Variants in FAAH observed in about 807,000 individuals in gnomAD.
FAAH encodes fatty-acid amide hydrolase 1.
In FAAH, 63 loss-of-function variants were observed where a neutral mutation model predicts 69.7. The observed-to-expected ratio is 0.90, with a 90% CI of 0.74 to 1.12. The LOEUF (loss-of-function observed/expected upper bound fraction) is 1.12, where lower values mean the gene tolerates loss of function less well. Among genes scored for constraint, FAAH ranks in the 50% most tolerant of loss-of-function variants. FAAH has a pLI of 0.00. For missense variants in FAAH, 680 were observed against 755.0 expected, an observed-to-expected ratio of 0.90 and a Z score of 1.16; for synonymous variants, 305 against 324.2, an observed-to-expected ratio of 0.94 and a Z score of 0.64.
chr1:46,412,140 C>G lies in FAAH; in HGVS notation c.1357-3C>G. The G allele has an allele frequency of 6.4e-7, 1 of 1,555,816 alleles. No homozygotes were observed. Among genetic ancestry groups the G allele is most frequent in the Non-Finnish European group, 8.7e-7 (1 of 1,149,188 alleles). On this transcript the variant is annotated splice_polypyrimidine_tract_variant and splice_region_variant and intron_variant, in intron 12 of 14. Transcript: ENST00000243167. ...TTCACCTGGTGTGTTGTGTCCTCCG[C>G]AGGTGTACCGCAAAACCGTGATTGC...
At position 46,405,699 on chromosome 1, in the gene FAAH, C is replaced by A; in HGVS notation, c.690C>A (p.Ser230=). The stretch of plus-strand genomic sequence containing the variant: ...GGGCCCTCATCGGGTCTGGAGGCTC[C>A]CCCCTGGGCTTAGGCACTGATATCG... The part of the protein sequence containing the change: ...GEGALIGSGG[S]PLGLGTDIGG... The change falls in exon 5 of 15, where the codon TCC becomes TCA. Residue 230 remains serine (S), a synonymous_variant. Coordinates refer to ENST00000243167, the MANE Select transcript of FAAH (RefSeq NM_001441.3). The surrounding 1 kb of genome is among the most constrained non-coding windows in gnomAD (Gnocchi z 4.1). 6.2e-7 allele frequency: 1 copy of A among 1,613,558 alleles called. No homozygotes were observed. Among genetic ancestry groups the A allele is most frequent in the Non-Finnish European group, 8.5e-7 (1 of 1,180,038 alleles).
In FAAH at chr1:46,405,708, C is replaced by T; in HGVS notation, c.699C>T (p.Gly233=). ...ALIGSGGSPL[G]LGTDIGGSIR... is the part of the protein sequence containing the mutation. ...TCGGGTCTGGAGGCTCCCCCCTGGGCTTAGGCACTGATATCGGAGGCAGCA... is the reference window on the plus strand; with the variant it reads ...TCGGGTCTGGAGGCTCCCCCCTGGGTTTAGGCACTGATATCGGAGGCAGCA... The change falls in exon 5 of 15, where the codon GGC becomes GGT. Residue 233 remains glycine, a synonymous_variant. Transcript: ENST00000243167. The surrounding 1 kb of genome is among the most constrained non-coding windows in gnomAD (Gnocchi z 4.1). 1 of 1,613,596 alleles carries T rather than the reference C, an allele frequency of 6.2e-7. No homozygotes were observed. The highest frequency in any genetic ancestry group is 8.5e-7 in the Non-Finnish European group (1 of 1,180,038).
In FAAH at chr1:46,411,690, G is replaced by A; in HGVS notation, c.1356+39G>A. On this transcript the variant is annotated intron_variant, in intron 12 of 14. Coordinates refer to ENST00000243167, the MANE Select transcript of FAAH (RefSeq NM_001441.3). This position sits in a 1 kb window ranked among gnomAD's most constrained non-coding sequence, Gnocchi z 4.8. ...CTCTGGATTGGAGCAGGGTGGTGGG[G>A]GGAGGGTGGAGTTGGACAGGGTACC... 1 of 1,612,042 alleles carries A rather than the reference G, an allele frequency of 6.2e-7. No individual in the cohort carries two copies. Among genetic ancestry groups the A allele is most frequent in the South Asian group, 1.1e-5 (1 of 90,906 alleles).
Position 46,404,614 on chromosome 1 carries a change from C to T in FAAH, c.310-400C>T, listed in dbSNP as rs1251459896. Among the ~76,000 whole-genome samples the T allele has an allele frequency of 1.3e-5, 2 of 152,174 alleles. No homozygotes were observed. The highest frequency in any genetic ancestry group is 2.9e-5 in the Non-Finnish European group (2 of 68,026). ...CTCTGTGGTTGCCCTTCAGTGTGAC[C>T]AGTGATGGGGCGCTGCCCCTGTCTG... is the stretch of plus-strand genomic sequence containing the variant. On this transcript the variant is annotated intron_variant, in intron 2 of 14. Transcript: ENST00000243167. The surrounding 1 kb of genome is among the most constrained non-coding windows in gnomAD (Gnocchi z 4.5).
At position 46,410,708 on chromosome 1, in the gene FAAH, T is replaced by G. The variant is rs1412282745; in HGVS notation, c.1276-106T>G. ...CTGAAAGGGGTGCCGACCTGGGCCCTGGGGGGAGGCATGGAGGGAGGGGTC... is the reference window on the plus strand; with the variant it reads ...CTGAAAGGGGTGCCGACCTGGGCCCGGGGGGGAGGCATGGAGGGAGGGGTC... On this transcript the variant is annotated intron_variant, in intron 10 of 14. Coordinates refer to ENST00000243167, the MANE Select transcript of FAAH (RefSeq NM_001441.3). The surrounding 1 kb of genome is among the most constrained non-coding windows in gnomAD (Gnocchi z 4.9). 7.0e-7 allele frequency: 1 copy of G among 1,429,490 alleles called. No individual in the cohort carries two copies. Among genetic ancestry groups the G allele is most frequent in the Non-Finnish European group, 9.9e-7 (1 of 1,012,188 alleles). 88.6% of individuals were successfully genotyped at this position (1,429,490 alleles called of 1,614,324 possible).
rs779878930 is a variant in FAAH, at chr1:46,405,112, C to T, written c.408C>T (p.Gly136=). ...CCCCAAGGCAGGGCCTGCTCTATGG[C>T]GTCCCTGTGAGCCTCAAGGAGTGCT... ...SQAPRQGLLY[G]VPVSLKECFT... The change falls in exon 3 of 15, where the codon GGC becomes GGT. Residue 136 remains glycine (G), a synonymous_variant. Transcript: ENST00000243167. The surrounding 1 kb of genome is among the most constrained non-coding windows in gnomAD (Gnocchi z 4.1). 5 of 1,613,702 alleles carry T rather than the reference C, an allele frequency of 3.1e-6. No individual in the cohort carries two copies. The highest frequency in any genetic ancestry group is 1.7e-5 in the Admixed American group (1 of 60,004).
chr1:46,411,867 C>A lies in FAAH; in HGVS notation c.1356+216C>A, dbSNP rs1664921740. Among the ~76,000 whole-genome samples, 1 of 152,220 alleles carries A rather than the reference C, an allele frequency of 6.6e-6. No individual in the cohort carries two copies. The highest frequency in any genetic ancestry group is 1.5e-5 in the Non-Finnish European group (1 of 68,042). ...TTGAGGCTGGGTCAGCCCCAGGCTC[C>A]TGTCCTGGCCGCCTTTTTGCCCCTC... On this transcript the variant is annotated intron_variant, in intron 12 of 14. Transcript: ENST00000243167. The surrounding 1 kb of genome is among the most constrained non-coding windows in gnomAD (Gnocchi z 4.8).
rs1664786366 is a variant in FAAH at position 46,405,953 on chromosome 1, G to T, written c.786-85G>T. ...GGCGTGGGTCCTAGTTTCCAAAGCGGTGAGTGTTCAGAGCTGCTCTGTGGG... is the reference window on the plus strand; with the variant it reads ...GGCGTGGGTCCTAGTTTCCAAAGCGTTGAGTGTTCAGAGCTGCTCTGTGGG... On this transcript the variant is annotated intron_variant, in intron 5 of 14. Transcript: ENST00000243167. The surrounding 1 kb of genome is among the most constrained non-coding windows in gnomAD (Gnocchi z 4.1). 1 of 1,613,096 alleles carries T rather than the reference G, an allele frequency of 6.2e-7. No individual in the cohort carries two copies. The highest frequency in any genetic ancestry group is 1.7e-5 in the Admixed American group (1 of 60,004).
At position 46,404,944 on chromosome 1, in the gene FAAH, T is replaced by G; in HGVS notation, c.310-70T>G. The G allele has an allele frequency of 6.2e-7, 1 of 1,605,936 alleles. No individual in the cohort carries two copies. ...ACTTTAAAAGGCCAGTTCTACATGA[T>G]GTATATTTCACCACAATTTCTTAAA... is the stretch of plus-strand genomic sequence containing the variant. On this transcript the variant is annotated intron_variant, in intron 2 of 14. Transcript: ENST00000243167. This position sits in a 1 kb window ranked among gnomAD's most constrained non-coding sequence, Gnocchi z 4.5.
chr1:46,408,266 T>C (rs911068647), intron 7 of FAAH, among the ~76,000 whole-genome samples, 193 bp from the exon 8 acceptor site: 1 of 152,214 alleles, frequency 6.6e-6, no homozygotes, highest in Non-Finnish European at 1.5e-5. Flanking sequence ...CCAGTAGGAA[T>C]CCTTATCCTT....
rs764068369 is a variant in FAAH at position 46,413,771 on chromosome 1, TCCTGATCCCTCCA to T, written c.*199_*211del. 1,947 of 708,320 alleles carry T rather than the reference TCCTGATCCCTCCA, an allele frequency of 2.7e-3. 17 individuals are homozygous for T. The highest frequency in any genetic ancestry group is 0.022 in the East Asian group (787 of 35,328). The allele number at this position is 708,320 out of a possible 1,614,324, so 43.9% of individuals were successfully genotyped here. A position where few individuals can be genotyped will look rare whatever the true frequency, so the allele number is the denominator to read the frequency against. On this transcript the variant is annotated 3_prime_UTR_variant, in exon 15 of 15. Transcript: ENST00000243167. ...TCCCTGCTCTGGTCCCCTCTCTTCGTCCTGATCCCTCCACCCCCATGTGGCAGCCCATGGGTAT... is the reference window on the plus strand; with the variant it reads ...TCCCTGCTCTGGTCCCCTCTCTTCGTCCCCCATGTGGCAGCCCATGGGTAT...
chr1:46,409,520 G>A (rs965219463), intron 9 of FAAH, among the ~76,000 whole-genome samples: 4 of 152,154 alleles, frequency 2.6e-5, no homozygotes, highest in African/African-American at 9.7e-5. Context: ...AGGCAGGAGG[G>A]TGGGGGTTTG....
chr1:46,406,014 C>T, intron 5 of FAAH, 24 bp from the exon 6 acceptor site: 1 of 1,614,122 alleles, frequency 6.2e-7, no homozygotes, highest in Non-Finnish European at 8.5e-7. Context: ...TTCCTGTTTC[C>T]AGCATCTTAT....
chr1:46,411,534 G>A lies in FAAH; in HGVS notation c.1317-78G>A. 6.7e-7 allele frequency: 1 copy of A among 1,498,734 alleles called. No individual in the cohort carries two copies. Among genetic ancestry groups the A allele is most frequent in the East Asian group, 2.3e-5 (1 of 43,370 alleles). The allele number at this position is 1,498,734 out of a possible 1,614,324, so 92.8% of individuals were successfully genotyped here. ...TCCACGGAGGGGTGAGATCTAGAGG[G>A]TTGGCAGTAGGGGTCTGATGTTGCT... On this transcript the variant is annotated intron_variant, in intron 11 of 14. Transcript: ENST00000243167. This position sits in a 1 kb window ranked among gnomAD's most constrained non-coding sequence, Gnocchi z 4.8.
In FAAH at chr1:46,411,493, A is replaced by AT. The variant is rs1664911809; in HGVS notation, c.1317-118dup. The AT allele has an allele frequency of 9.2e-7, 1 of 1,086,752 alleles. No individual in the cohort carries two copies. Among genetic ancestry groups the AT allele is most frequent in the African/African-American group, 1.6e-5 (1 of 63,882 alleles). 67.3% of individuals were successfully genotyped at this position (1,086,752 alleles called of 1,614,324 possible). A position where few individuals can be genotyped will look rare whatever the true frequency, so the allele number is the denominator to read the frequency against. On this transcript the variant is annotated intron_variant, in intron 11 of 14. Coordinates refer to ENST00000243167, the MANE Select transcript of FAAH (RefSeq NM_001441.3). This position sits in a 1 kb window ranked among gnomAD's most constrained non-coding sequence, Gnocchi z 4.8. ...TTTGAACTTCCCTCTCAGAGCTCCC[A>AT]TGGGGTTGTGAAGGGTCCACGGAGG...
rs141985477 is a variant in FAAH at position 46,405,723 on chromosome 1, C to G, written c.714C>G (p.Ile238Met). 1.2e-6 allele frequency: 2 copies of G among 1,613,364 alleles called. No individual in the cohort carries two copies. Among genetic ancestry groups the G allele is most frequent in the Non-Finnish European group, 1.7e-6 (2 of 1,180,036 alleles). ...GGSPLGLGTDIGGSIRFPSSF... is the reference protein window; with the variant it reads ...GGSPLGLGTDMGGSIRFPSSF... ...CCCCCCTGGGCTTAGGCACTGATAT[C>G]GGAGGCAGCATCCGCTTCCCCTCCT... Residue 238 changes from isoleucine to methionine, a missense_variant, in exon 5 of 15, where the codon ATC (isoleucine) becomes ATG (methionine). Transcript: ENST00000243167. This position sits in a 1 kb window ranked among gnomAD's most constrained non-coding sequence, Gnocchi z 4.1.
chr1:46,411,518 G>C lies in FAAH; in HGVS notation c.1317-94G>C. ...ATGGGGTTGTGAAGGGTCCACGGAG[G>C]GGTGAGATCTAGAGGGTTGGCAGTA... On this transcript the variant is annotated intron_variant, in intron 11 of 14. Transcript: ENST00000243167. The surrounding 1 kb of genome is among the most constrained non-coding windows in gnomAD (Gnocchi z 4.8). The C allele has an allele frequency of 7.5e-7, 1 of 1,337,894 alleles. No homozygotes were observed. The highest frequency in any genetic ancestry group is 1.2e-5 in the South Asian group (1 of 81,510). The allele number at this position is 1,337,894 out of a possible 1,614,324, so 82.9% of individuals were successfully genotyped here.
intron 1 of FAAH, 119 bp from the exon 2 acceptor site, chr1:46,401,972 G>A: frequency 1.2e-6 from 1 of 845,210 alleles, no homozygotes; most frequent in Non-Finnish European, 2.0e-6. Flanking sequence ...CTCTAGGGAT[G>A]GCAAGGGCCT....
At chr1:46,395,183 C>G (rs997779332) in intron 1 of FAAH, among the ~76,000 whole-genome samples, 1 of 152,240 alleles carries the variant, frequency 6.6e-6, no homozygotes, top group Non-Finnish European at 1.5e-5. Context: ...TCAGTTGATA[C>G]ACCTGCCTCG....
Sources: allele counts gnomAD v4.1 joint callset (sites outside exome capture counted in the v4.1 genomes callset), GRCh38; gene constraint gnomAD v4.1.1; non-coding constraint Gnocchi (gnomAD v3.1); transcripts MANE v1.5; gene names NCBI Gene and HGNC (gene_info 2026-07-23, HGNC 2026-07-21).